Variants in PARVB observed in about 807,000 individuals in gnomAD.
PARVB encodes parvin beta.
Under a neutral mutation model 47.0 loss-of-function variants are expected in PARVB, and 46 were observed. That is an observed-to-expected ratio of 0.98 (90% CI 0.77 to 1.25). PARVB has a LOEUF of 1.25. Ranked by LOEUF, PARVB falls within the 50% of genes most tolerant of loss-of-function variation. The pLI is 0.00. For synonymous variants in PARVB, 196 were observed against 196.3 expected (o/e 1.00, Z 0.01); for missense variants, 473 against 471.6 (o/e 1.00, Z -0.03).
At chr22:44,036,810 A>AT (rs908205924) in intron 1 of PARVB, among the ~76,000 whole-genome samples, 14 of 151,680 alleles carry the variant, frequency 9.2e-5, no homozygotes, top group South Asian at 6.3e-4. Context: ...TTTATTAAAA[A>AT]TTAAAAAAAA....
intron 4 of PARVB, 69 bp downstream of exon 4, chr22:44,119,209 A>G: frequency 1.9e-6 from 2 of 1,055,906 alleles, no homozygotes; most frequent in Admixed American, 3.4e-5. Flanking sequence ...CTGGGCCAGG[A>G]TTCTCTGCAT....
intron 9 of PARVB, chr22:44,151,255 G>C: frequency 2.0e-6 from 1 of 499,550 alleles, no homozygotes; most frequent in Non-Finnish European, 3.7e-6. Context: ...TGTGTGCATG[G>C]GTTGGTGAGC....
intron 11 of PARVB, among the ~76,000 whole-genome samples, chr22:44,158,814 T>C (rs145538873): frequency 1.2e-3 from 184 of 152,362 alleles, no homozygotes; most frequent in African/African-American, 4.2e-3. Context: ...TCTATGTTGC[T>C]TTGGATTCAT....
At chr22:44,122,586 G>GAGAGAC (rs1569134663) in intron 4 of PARVB, among the ~76,000 whole-genome samples, 24 of 134,296 alleles carry the variant, frequency 1.8e-4, no homozygotes, top group Admixed American at 3.0e-4. Context: ...GAGAGAGAGA[G>GAGAGAC]AGAGAGAGAG....
At position 44,089,085 on chromosome 22, in the gene PARVB, G is replaced by A. The variant is rs922194873; in HGVS notation, c.113-4843G>A. ...TGCCATCCCGGGCTGAGCGAGGAGT[G>A]CCCGTCTCCAGAGACAGTGTGCCAA... On this transcript the variant is annotated intron_variant, in intron 1 of 12. Coordinates refer to ENST00000338758, the MANE Select transcript of PARVB (RefSeq NM_013327.5). The surrounding 1 kb of genome is among the most constrained non-coding windows in gnomAD (Gnocchi z 4.0). 3.5e-4 allele frequency among the ~76,000 whole-genome samples: 53 copies of A among 152,164 alleles called. No individual in the cohort carries two copies. Among genetic ancestry groups the A allele is most frequent in the Non-Finnish European group, 6.9e-4 (47 of 68,040 alleles).
chr22:44,158,871 G>A (rs1185388879), intron 11 of PARVB, among the ~76,000 whole-genome samples: 1 of 152,260 alleles, frequency 6.6e-6, no homozygotes, highest in African/African-American at 2.4e-5. Flanking sequence ...CCATGAGTCA[G>A]GGAGGCAGAC....
At chr22:44,056,160 G>C (rs1248204524) in intron 1 of PARVB, among the ~76,000 whole-genome samples, 1 of 152,244 alleles carries the variant, frequency 6.6e-6, no homozygotes, top group African/African-American at 2.4e-5. Context: ...GCTGTCCTAT[G>C]ACTCGAGTTT....
intron 3 of PARVB, among the ~76,000 whole-genome samples, chr22:44,100,601 A>C (rs2048327313): frequency 6.6e-6 from 1 of 152,118 alleles, no homozygotes; most frequent in African/African-American, 2.4e-5. Context: ...TGGAGGCGTG[A>C]ATCCCAGCTG....
intron 8 of PARVB, chr22:44,146,664 C>G (rs1397440821): frequency 7.2e-5 from 11 of 152,612 alleles, no homozygotes; most frequent in Non-Finnish European, 5.9e-5. Context: ...TCCCTTCTTT[C>G]TTTTTCTGGG....
chr22:44,138,591 C>T (rs138638016), intron 7 of PARVB, among the ~76,000 whole-genome samples: 37 of 152,312 alleles, frequency 2.4e-4, no homozygotes, highest in Middle Eastern at 3.4e-3. Context: ...TGAAAACCAG[C>T]GGCCCAAAGA....
chr22:44,078,953 T>C (rs1375843481), intron 1 of PARVB, among the ~76,000 whole-genome samples: 1 of 152,136 alleles, frequency 6.6e-6, no homozygotes, highest in Non-Finnish European at 1.5e-5. Flanking sequence ...TCTCAAACTC[T>C]TGACCTAAGG....
At chr22:44,055,201 C>T (rs944356836) in intron 1 of PARVB, among the ~76,000 whole-genome samples, 1 of 152,098 alleles carries the variant, frequency 6.6e-6, no homozygotes, top group Non-Finnish European at 1.5e-5. Flanking sequence ...ACCTGTTCCC[C>T]GAGCCATATG....
chr22:44,098,230 A>T lies in PARVB; in HGVS notation c.203-1823A>T, dbSNP rs527655976. 2.6e-5 allele frequency among the ~76,000 whole-genome samples: 4 copies of T among 152,220 alleles called. No homozygotes were observed. In the East Asian group the frequency reaches 7.7e-4, roughly 29 times the overall value. ...CACTCTCCGTCCTGCACCCCCTCTC[A>T]TACACGTGTGGACTCACGGCCTGGC... is the stretch of plus-strand genomic sequence containing the variant. On this transcript the variant is annotated intron_variant, in intron 2 of 12. Coordinates refer to ENST00000338758, the MANE Select transcript of PARVB (RefSeq NM_013327.5).
chr22:44,042,014 A>T (rs1192513941), intron 1 of PARVB, among the ~76,000 whole-genome samples: 5 of 152,184 alleles, frequency 3.3e-5, no homozygotes, highest in African/African-American at 1.2e-4. Flanking sequence ...TTTATCCATC[A>T]GGTGGAGAAG....
intron 2 of PARVB, among the ~76,000 whole-genome samples, chr22:44,008,781 C>T (rs1199815615): frequency 1.3e-5 from 2 of 151,630 alleles, no homozygotes; most frequent in South Asian, 2.1e-4. Flanking sequence ...GTCAGGAAAT[C>T]GAGATCATCA....
At chr22:44,119,684 C>T (rs998568908) in intron 4 of PARVB, 7 of 465,834 alleles carry the variant, frequency 1.5e-5, no homozygotes, top group Non-Finnish European at 2.7e-5. Flanking sequence ...GGATGAGTCC[C>T]GAGGGCTGGG....
At position 44,094,010 on chromosome 22, in the gene PARVB, C is replaced by T; in HGVS notation, c.195C>T (p.Thr65=). 6.2e-7 allele frequency: 1 copy of T among 1,601,988 alleles called. No homozygotes were observed. The highest frequency in any genetic ancestry group is 8.6e-7 in the Non-Finnish European group (1 of 1,169,286). Residue 65 remains threonine (T), a synonymous_variant, in exon 2 of 13, where the codon ACC becomes ACT. Coordinates refer to ENST00000338758, the MANE Select transcript of PARVB (RefSeq NM_013327.5). ...PALVDVHPED[T]QLEENEERTM... is the part of the protein sequence containing the mutation. ...TGGTGGATGTTCACCCTGAAGACAC[C>T]CAGCTTGGTACGGGGGTTCCTCCGC...
At chr22:44,015,674 C>T (rs980832758) in intron 2 of PARVB, among the ~76,000 whole-genome samples, 2 of 152,132 alleles carry the variant, frequency 1.3e-5, no homozygotes, top group African/African-American at 4.8e-5. Context: ...CAGAAATTAG[C>T]TGTGGGTGAT....
chr22:44,138,642 C>T (rs547653182), intron 7 of PARVB, among the ~76,000 whole-genome samples: 3 of 152,322 alleles, frequency 2.0e-5, no homozygotes, highest in African/African-American at 7.2e-5. Flanking sequence ...CACCTCCTAT[C>T]CAGTCTCAGT....
Sources: allele counts gnomAD v4.1 joint callset (sites outside exome capture counted in the v4.1 genomes callset), GRCh38; gene constraint gnomAD v4.1.1; non-coding constraint Gnocchi (gnomAD v3.1); transcripts MANE v1.5; gene names NCBI Gene and HGNC (gene_info 2026-07-23, HGNC 2026-07-21).